PVT1: variants seen among roughly 807,000 people sequenced by gnomAD.
The protein encoded by PVT1 is CXCR4/PVT1 fusion.
chr8:127,804,862 G>C (rs1034423833), intron 2 of PVT1, among the ~76,000 whole-genome samples: 1 of 147,372 alleles, frequency 6.8e-6, no homozygotes, highest in Non-Finnish European at 1.5e-5. Flanking sequence ...GACACATCCT[G>C]ATTTTTTTCT....
intron 3 of PVT1, among the ~76,000 whole-genome samples, chr8:127,970,029 T>G (rs566981005): frequency 6.6e-6 from 1 of 152,338 alleles, no homozygotes; most frequent in East Asian, 1.9e-4. Context: ...AAGACAGGGC[T>G]CTGACACCCA....
At chr8:127,881,941 T>C (rs1469895271) in intron 2 of PVT1, among the ~76,000 whole-genome samples, 2 of 152,190 alleles carry the variant, frequency 1.3e-5, no homozygotes, top group African/African-American at 4.8e-5. Context: ...GGTTTCACCA[T>C]GTTGTCCAGG....
At chr8:127,990,795 T>G (rs1387038532) in intron 4 of PVT1, among the ~76,000 whole-genome samples, 1 of 152,230 alleles carries the variant, frequency 6.6e-6, no homozygotes, top group Non-Finnish European at 1.5e-5. Flanking sequence ...GGCCTTGCCC[T>G]TCAGTCAAGG....
At chr8:127,871,385 A>G (rs1260086637) in intron 2 of PVT1, among the ~76,000 whole-genome samples, 1 of 152,258 alleles carries the variant, frequency 6.6e-6, no homozygotes, top group African/African-American at 2.4e-5. Flanking sequence ...AAACTTTTGT[A>G]TCAAATAGAC....
chr8:127,837,395 G>T (rs1049696171), intron 2 of PVT1, among the ~76,000 whole-genome samples: 8 of 140,836 alleles, frequency 5.7e-5, no homozygotes, highest in Non-Finnish European at 7.7e-5. Context: ...TTTTGTTGTT[G>T]TTTTTTTTTT....
At chr8:127,844,708 GT>G (rs1815011913) in intron 2 of PVT1, among the ~76,000 whole-genome samples, 1 of 148,962 alleles carries the variant, frequency 6.7e-6, no homozygotes, top group African/African-American at 2.5e-5. Flanking sequence ...TTTTTGTTTT[GT>G]TTTTGTTTTT....
intron 3 of PVT1, among the ~76,000 whole-genome samples, chr8:127,977,683 C>T (rs954441814): frequency 2.6e-5 from 4 of 152,080 alleles, no homozygotes; most frequent in Middle Eastern, 3.4e-3. Flanking sequence ...TTCAGTGAGC[C>T]GAGATCATGC....
chr8:127,936,980 G>A (rs918091200), intron 3 of PVT1, among the ~76,000 whole-genome samples: 1 of 152,186 alleles, frequency 6.6e-6, no homozygotes, highest in Non-Finnish European at 1.5e-5. Flanking sequence ...GTTTTATACA[G>A]GAAAGGATTT....
At chr8:128,007,275 A>G (rs752067178) in intron 4 of PVT1, among the ~76,000 whole-genome samples, 1 of 152,254 alleles carries the variant, frequency 6.6e-6, no homozygotes, top group Non-Finnish European at 1.5e-5. Context: ...AGATTGGGCA[A>G]TAGTATTGTA....
chr8:128,024,280 A>T (rs766982612), intron 4 of PVT1, among the ~76,000 whole-genome samples: 1 of 152,078 alleles, frequency 6.6e-6, no homozygotes, highest in Non-Finnish European at 1.5e-5. Flanking sequence ...TTGAGATCTC[A>T]TGGGCCAGTG....
intron 4 of PVT1, among the ~76,000 whole-genome samples, chr8:128,029,519 C>T (rs894331592): frequency 9.9e-5 from 15 of 151,688 alleles, no homozygotes; most frequent in African/African-American, 2.2e-4. Flanking sequence ...ATACTTGTTG[C>T]GGTCGGGTGC....
At chr8:127,861,806 G>A (rs539478836) in intron 2 of PVT1, among the ~76,000 whole-genome samples, 4 of 152,278 alleles carry the variant, frequency 2.6e-5, no homozygotes, top group South Asian at 2.1e-4. Context: ...GGTACTGGGC[G>A]CATGTTGCCT....
In PVT1 at chr8:128,042,734, G is replaced by T. The variant is rs190516210; in HGVS notation, n.913-27426G>T. Among the ~76,000 whole-genome samples the T allele has an allele frequency of 7.6e-3, 990 of 129,852 alleles. 9 individuals are homozygous for T. Among genetic ancestry groups the T allele is most frequent in the African/African-American group, 0.027 (948 of 34,518 alleles). The allele number at this position is 129,852 out of a possible 152,430, so 85.2% of individuals were successfully genotyped here. ...ATCTATGAGGAGATTGGACTAGGTG[G>T]TTTATTTTATTTTATTTTATTTTAT... On this transcript the variant is annotated intron_variant and non_coding_transcript_variant, in intron 4 of 10. Coordinates refer to ENST00000651587, the Ensembl canonical transcript of PVT1.
intron 2 of PVT1, among the ~76,000 whole-genome samples, chr8:127,882,942 A>G (rs926037928): frequency 2.6e-5 from 4 of 152,132 alleles, no homozygotes; most frequent in Non-Finnish European, 4.4e-5. Flanking sequence ...TGCTGGTACT[A>G]AAATTAACAA....
intron 2 of PVT1, among the ~76,000 whole-genome samples, chr8:127,861,294 A>G (rs1815225480): frequency 6.6e-6 from 1 of 152,150 alleles, no homozygotes; most frequent in African/African-American, 2.4e-5. Flanking sequence ...AAACAGGTCG[A>G]TGACTAGGAC....
At chr8:127,811,512 T>A (rs1814594531) in intron 2 of PVT1, among the ~76,000 whole-genome samples, 1 of 152,196 alleles carries the variant, frequency 6.6e-6, no homozygotes, top group African/African-American at 2.4e-5. Flanking sequence ...GTTATTGACT[T>A]GAATGCTAGA....
At chr8:127,930,830 G>A (rs1207116945) in intron 3 of PVT1, among the ~76,000 whole-genome samples, 1 of 152,164 alleles carries the variant, frequency 6.6e-6, no homozygotes, top group African/African-American at 2.4e-5. Flanking sequence ...GACCCTGGGA[G>A]TTTAATTGGA....
intron 2 of PVT1, among the ~76,000 whole-genome samples, chr8:127,819,602 G>A (rs1195515003): frequency 2.0e-5 from 3 of 152,114 alleles, no homozygotes; most frequent in African/African-American, 7.2e-5. Context: ...AGGGTTCCAG[G>A]TAGATTGGTT....
intron 5 of PVT1, among the ~76,000 whole-genome samples, chr8:128,077,490 G>GA (rs943245793): frequency 3.2e-4 from 48 of 151,466 alleles, no homozygotes; most frequent in East Asian, 1.9e-4. Context: ...GTTTTATATG[G>GA]AAAAAAAACT....
Sources: gnomAD v4.1 joint callset for allele counts (sites outside exome capture counted in the v4.1 genomes callset) on GRCh38, gnomAD v4.1.1 for gene constraint, MANE v1.5 for transcripts, NCBI Gene and HGNC (gene_info 2026-07-23, HGNC 2026-07-21) for gene names.